Variants in RARG observed in about 807,000 individuals in gnomAD.
The protein encoded by RARG is retinoic acid receptor gamma.
In RARG, 17 loss-of-function variants were observed where a neutral mutation model predicts 43.7. The ratio of observed to expected loss-of-function variants is 0.39; its 90% CI spans 0.27 to 0.58. The LOEUF is 0.58. RARG is among the 20% of genes least tolerant of loss of function. The pLI, the probability that RARG is intolerant of heterozygous loss-of-function variation, is 0.57. For missense variants in RARG, 346 were observed against 598.7 expected, an observed-to-expected ratio of 0.58 and a Z score of 4.40; for synonymous variants, 238 against 236.4, an observed-to-expected ratio of 1.01 and a Z score of -0.06.
At chr12:53,229,013 AGAG>A (rs985663597) in intron 2 of RARG, among the ~76,000 whole-genome samples, 2 of 152,118 alleles carry the variant, frequency 1.3e-5, no homozygotes, top group African/African-American at 2.4e-5. Context: ...GGAGGTAGAG[AGAG>A]GAGATGGGAA....
intron 3 of RARG, among the ~76,000 whole-genome samples, chr12:53,223,356 G>C (rs1053648111): frequency 6.6e-6 from 1 of 152,114 alleles, no homozygotes; most frequent in African/African-American, 2.4e-5. Flanking sequence ...GGTCTCTGGA[G>C]GAGGGGGCAG....
In RARG at chr12:53,211,968, GC is replaced by G; in HGVS notation, c.1178-106del. 1.2e-6 allele frequency: 1 copy of G among 848,170 alleles called. No homozygotes were observed. The highest frequency in any genetic ancestry group is 1.6e-6 in the Non-Finnish European group (1 of 618,176). 52.5% of individuals were successfully genotyped at this position (848,170 alleles called of 1,614,324 possible). A position where few individuals can be genotyped will look rare whatever the true frequency, so the allele number is the denominator to read the frequency against. On this transcript the variant is annotated intron_variant, in intron 9 of 9. Transcript: ENST00000425354. This position sits in a 1 kb window ranked among gnomAD's most constrained non-coding sequence, Gnocchi z 4.6. ...ACTGCCCCTGACTCCCCTAGGGGGC[GC>G]CCAGCACAGGCCCACCACCTCTCCG...
rs1284185674 is a variant in RARG at position 53,231,155 on chromosome 12, A to G, written c.-143+14T>C. The G allele has an allele frequency of 6.6e-6, 1 of 152,402 alleles. No homozygotes were observed. The highest frequency in any genetic ancestry group is 1.9e-4 in the East Asian group (1 of 5,196). 9.4% of individuals were successfully genotyped at this position (152,402 alleles called of 1,614,324 possible). Reference sequence around the variant, plus strand: ...CCTGCCCCCACCACCACTAACAACCAAGCATCTTCTTACCCGCTGGCCGCC... The same window carrying G: ...CCTGCCCCCACCACCACTAACAACCGAGCATCTTCTTACCCGCTGGCCGCC... On this transcript the variant is annotated intron_variant, in intron 2 of 9. Transcript: ENST00000425354.
At chr12:53,225,985 G>A (rs1009957568) in intron 3 of RARG, among the ~76,000 whole-genome samples, 1 of 152,154 alleles carries the variant, frequency 6.6e-6, no homozygotes, top group Non-Finnish European at 1.5e-5. Flanking sequence ...ATTACTTATG[G>A]TACAAAAGCT....
At position 53,213,438 on chromosome 12, in the gene RARG, A is replaced by G. The variant is rs777399013; in HGVS notation, c.1018+58T>C. The G allele has an allele frequency of 1.3e-6, 2 of 1,573,032 alleles. No individual in the cohort carries two copies. Among genetic ancestry groups the G allele is most frequent in the Admixed American group, 1.7e-5 (1 of 59,158 alleles). The stretch of plus-strand genomic sequence containing the variant: ...ACGCCCCCTCCCAGACAGATTCCGC[A>G]TGGAGTGGTGGGAAAGGAGACTGAG... On this transcript the variant is annotated intron_variant, in intron 8 of 9. Coordinates refer to ENST00000425354, the MANE Select transcript of RARG (RefSeq NM_000966.6). This position sits in a 1 kb window ranked among gnomAD's most constrained non-coding sequence, Gnocchi z 4.7.
At chr12:53,229,440 C>T (rs900759277) in intron 2 of RARG, among the ~76,000 whole-genome samples, 2 of 152,132 alleles carry the variant, frequency 1.3e-5, no homozygotes, top group African/African-American at 4.8e-5. Flanking sequence ...CAGACCCCAA[C>T]GCCATCACAT....
In RARG at chr12:53,213,840, A is replaced by C. The variant is rs147640597; in HGVS notation, c.814-140T>G. The C allele has an allele frequency of 3.7e-4, 411 of 1,124,024 alleles. 3 individuals carry two copies. The East Asian group carries it at 9.6e-3, about 26-fold the overall frequency. The allele number at this position is 1,124,024 out of a possible 1,614,324, so 69.6% of individuals were successfully genotyped here. On this transcript the variant is annotated intron_variant, in intron 7 of 9. Transcript: ENST00000425354. This position sits in a 1 kb window ranked among gnomAD's most constrained non-coding sequence, Gnocchi z 4.7. ...GGAGAAGGCAGAGGTGGAGGATCTG[A>C]GGCTTGGCAGGGGTAGTCCCGGGAA...
At position 53,215,490 on chromosome 12, in the gene RARG, C is replaced by T; in HGVS notation, c.334-56G>A. On this transcript the variant is annotated intron_variant, in intron 4 of 9. Transcript: ENST00000425354. The surrounding 1 kb of genome is among the most constrained non-coding windows in gnomAD (Gnocchi z 6.4). ...GAAGCACAATGCTGGGAGTACCAGC[C>T]TCTCACTGGCCTTGCAGGTTGCCCC... The T allele has an allele frequency of 2.5e-6, 4 of 1,606,812 alleles. No homozygotes were observed. Among genetic ancestry groups the T allele is most frequent in the Non-Finnish European group, 3.4e-6 (4 of 1,174,314 alleles).
At chr12:53,212,291 C>T (rs1942613354) in intron 9 of RARG, among the ~76,000 whole-genome samples, 1 of 152,228 alleles carries the variant, frequency 6.6e-6, no homozygotes, top group African/African-American at 2.4e-5. Flanking sequence ...TCCAATAGAA[C>T]TTTGCAATGA....
intron 3 of RARG, chr12:53,219,984 T>G (rs1240355051): frequency 3.3e-6 from 5 of 1,522,378 alleles, no homozygotes; most frequent in Middle Eastern, 1.7e-4. Flanking sequence ...AGGCAAAAGA[T>G]TCAAGTCCGG....
At chr12:53,214,375 C>T (rs1942697341) in intron 6 of RARG, 71 bp downstream of exon 6, 1 of 1,571,806 alleles carries the variant, frequency 6.4e-7, no homozygotes, top group Non-Finnish European at 8.7e-7. Flanking sequence ...ATGATAGCCT[C>T]CAACACAACC....
chr12:53,220,476 T>A (rs181482304), intron 3 of RARG: 7 of 557,922 alleles, frequency 1.3e-5, no homozygotes, highest in Non-Finnish European at 1.4e-5. Flanking sequence ...CACATACACA[T>A]ACGTACACTC....
At chr12:53,230,873 GTGTGTGTGTA>G (rs1324001750) in intron 2 of RARG, among the ~76,000 whole-genome samples, 14 of 149,700 alleles carry the variant, frequency 9.4e-5, no homozygotes, top group African/African-American at 3.5e-4. Context: ...GTGTGTGTGT[GTGTGTGTGTA>G]TGTCTGTCTA....
intron 5 of RARG, 182 bp from the exon 6 acceptor site, chr12:53,214,788 G>A: frequency 3.0e-6 from 2 of 664,820 alleles, no homozygotes; most frequent in Admixed American, 6.3e-5. Flanking sequence ...GTTCTCCCCA[G>A]CCCCACCCAG....
chr12:53,216,839 TGTGCGCGCGCGC>T lies in RARG; in HGVS notation c.185-1057_185-1046del, dbSNP rs1472099256. ...CTGGGTAAGTGTGTGTGTGTGTGTG[TGTGCGCGCGCGC>T]GCGCGCGCGCGTGTGGTTGGTCTTC... On this transcript the variant is annotated intron_variant, in intron 3 of 9. Coordinates refer to ENST00000425354, the MANE Select transcript of RARG (RefSeq NM_000966.6). 4.1e-5 allele frequency among the ~76,000 whole-genome samples: 6 copies of T among 146,830 alleles called. No individual in the cohort carries two copies. In the East Asian group the frequency reaches 8.2e-4, roughly 20 times the overall value.
At chr12:53,214,829 A>T in intron 5 of RARG, 1 of 510,514 alleles carries the variant, frequency 2.0e-6, no homozygotes, top group Non-Finnish European at 3.4e-6. Context: ...TCCCCAGGCC[A>T]TTCGGCTCCA....
intron 5 of RARG, chr12:53,214,827 C>G (rs1468511067): frequency 3.9e-6 from 2 of 516,208 alleles, no homozygotes; most frequent in Non-Finnish European, 6.8e-6. Context: ...CTTCCCCAGG[C>G]CATTCGGCTC....
Position 53,215,330 on chromosome 12 carries a change from C to G in RARG, c.438G>C (p.Arg146=). 6.2e-7 allele frequency: 1 copy of G among 1,614,116 alleles called. No homozygotes were observed. Among genetic ancestry groups the G allele is most frequent in the Non-Finnish European group, 8.5e-7 (1 of 1,179,996 alleles). Residue 146 remains arginine, a synonymous_variant, in exon 5 of 10, where the codon CGG becomes CGC. Transcript: ENST00000425354. The surrounding 1 kb of genome is among the most constrained non-coding windows in gnomAD (Gnocchi z 6.4). ...KVTRNRCQYC[R]LQKCFEVGMS... ...TGCCCACTTCGAAGCACTTCTGTAG[C>G]CGGCAGTACTGGCAGCGATTCCTGG...
intron 3 of RARG, among the ~76,000 whole-genome samples, chr12:53,219,406 C>G (rs779635405): frequency 7.2e-5 from 11 of 152,190 alleles, no homozygotes; most frequent in Non-Finnish European, 1.6e-4. Context: ...CCCGCAGCCA[C>G]GCAGGGGCAC....
Sources: allele counts gnomAD v4.1 joint callset (sites outside exome capture counted in the v4.1 genomes callset), GRCh38; gene constraint gnomAD v4.1.1; non-coding constraint Gnocchi (gnomAD v3.1); transcripts MANE v1.5; gene names NCBI Gene and HGNC (gene_info 2026-07-23, HGNC 2026-07-21).